LRRC3B: variants seen among roughly 807,000 people sequenced by gnomAD.
LRRC3B encodes leucine-rich repeat-containing protein 3B.
In LRRC3B, 2 loss-of-function variants were observed where a neutral mutation model predicts 12.8. The observed-to-expected ratio is 0.16, with a 90% CI of 0.06 to 0.49. The LOEUF is 0.49. LRRC3B is among the 20% of genes least tolerant of loss of function. The probability of loss-of-function intolerance (pLI) is 0.96; values close to 1 mark genes in which losing one functional copy is unlikely to be tolerated. For synonymous variants in LRRC3B, 132 were observed against 122.0 expected (o/e 1.08, Z -0.54); for missense variants, 189 against 319.4 (o/e 0.59, Z 3.11).
At chr3:26,666,242 GA>G (rs777001750) in intron 1 of LRRC3B, among the ~76,000 whole-genome samples, 15 of 152,182 alleles carry the variant, frequency 9.9e-5, no homozygotes, top group Admixed American at 3.3e-4. Context: ...TAACCGCAAG[GA>G]AAAGGTGAAG....
At chr3:26,646,197 G>C (rs2125411455) in intron 1 of LRRC3B, among the ~76,000 whole-genome samples, 1 of 152,290 alleles carries the variant, frequency 6.6e-6, no homozygotes, top group Admixed American at 6.5e-5. Context: ...TGATGAAAGT[G>C]AGTTATAATC....
intron 1 of LRRC3B, among the ~76,000 whole-genome samples, chr3:26,647,326 C>T (rs933867395): frequency 2.6e-5 from 4 of 152,138 alleles, no homozygotes; most frequent in African/African-American, 7.2e-5. Flanking sequence ...CAGCCTCTCT[C>T]TCTCAACCCA....
chr3:26,635,762 G>A (rs1021037874), intron 1 of LRRC3B, among the ~76,000 whole-genome samples: 4 of 152,158 alleles, frequency 2.6e-5, no homozygotes, highest in African/African-American at 7.2e-5. Context: ...AATGGACCTC[G>A]CTTTTGCATC....
chr3:26,688,576 A>G (rs1700131548), intron 1 of LRRC3B, among the ~76,000 whole-genome samples: 1 of 152,210 alleles, frequency 6.6e-6, no homozygotes, highest in Admixed American at 6.5e-5. Context: ...AAGGGGAATC[A>G]GGCATATCTT....
intron 1 of LRRC3B, among the ~76,000 whole-genome samples, chr3:26,659,675 G>A (rs890181137): frequency 6.6e-6 from 1 of 151,948 alleles, no homozygotes; most frequent in Non-Finnish European, 1.5e-5. Context: ...ACACACACAT[G>A]AAAAACAATA....
intron 1 of LRRC3B, among the ~76,000 whole-genome samples, chr3:26,661,042 T>A (rs1228692776): frequency 6.6e-6 from 1 of 152,174 alleles, no homozygotes; most frequent in Non-Finnish European, 1.5e-5. Flanking sequence ...TTCTTAGATA[T>A]TTGAACAATT....
At chr3:26,664,692 A>AT (rs1699563183) in intron 1 of LRRC3B, among the ~76,000 whole-genome samples, 1 of 152,052 alleles carries the variant, frequency 6.6e-6, no homozygotes. Context: ...ACAGAGAATA[A>AT]TTTTGGGTCA....
At chr3:26,706,913 C>CTCT (rs1443729766) in intron 1 of LRRC3B, among the ~76,000 whole-genome samples, 1 of 152,152 alleles carries the variant, frequency 6.6e-6, no homozygotes, top group Non-Finnish European at 1.5e-5. Flanking sequence ...CGTACCTAGA[C>CTCT]TCTTCAATAT....
chr3:26,677,304 A>G (rs1699879940), intron 1 of LRRC3B, among the ~76,000 whole-genome samples: 1 of 152,184 alleles, frequency 6.6e-6, no homozygotes, highest in Non-Finnish European at 1.5e-5. Context: ...AAACACCAGT[A>G]TTCTGGTGTA....
At chr3:26,634,471 G>C (rs905434652) in intron 1 of LRRC3B, among the ~76,000 whole-genome samples, 4 of 152,192 alleles carry the variant, frequency 2.6e-5, no homozygotes, top group Admixed American at 2.0e-4. Flanking sequence ...ATCACAAGGA[G>C]CTTGACATTC....
intron 1 of LRRC3B, among the ~76,000 whole-genome samples, chr3:26,706,242 C>A (rs1471527981): frequency 6.6e-6 from 1 of 152,098 alleles, no homozygotes; most frequent in African/African-American, 2.4e-5. Context: ...GGCCCCACCT[C>A]CAAATATCCT....
At chr3:26,638,773 C>G (rs1454146539) in intron 1 of LRRC3B, among the ~76,000 whole-genome samples, 6 of 152,194 alleles carry the variant, frequency 3.9e-5, no homozygotes, top group Non-Finnish European at 8.8e-5. Flanking sequence ...ATATTGTCAT[C>G]AGTGTTCATT....
At chr3:26,629,721 T>G (rs562261124) in intron 1 of LRRC3B, among the ~76,000 whole-genome samples, 1 of 152,334 alleles carries the variant, frequency 6.6e-6, no homozygotes, top group African/African-American at 2.4e-5. Flanking sequence ...GTGTGGTTTT[T>G]TATTGGGGTG....
chr3:26,710,206 T>A (rs761690621), exon 2 of LRRC3B: 2 of 1,613,780 alleles, frequency 1.2e-6, no homozygotes, highest in South Asian at 2.2e-5. Context: ...CCGTGTTGGA[T>A]GAACATGCTG....
intron 1 of LRRC3B, among the ~76,000 whole-genome samples, chr3:26,644,716 T>C (rs1284417919): frequency 1.3e-5 from 2 of 152,224 alleles, no homozygotes; most frequent in Admixed American, 1.3e-4. Flanking sequence ...AACCCACTGC[T>C]TATTAGAAAA....
At chr3:26,672,462 C>T (rs1257114086) in intron 1 of LRRC3B, among the ~76,000 whole-genome samples, 1 of 152,144 alleles carries the variant, frequency 6.6e-6, no homozygotes, top group Non-Finnish European at 1.5e-5. Context: ...AGTGGCCCTT[C>T]ACTTGAGGGC....
exon 2 of LRRC3B, chr3:26,709,987 G>A: frequency 1.2e-6 from 2 of 1,614,102 alleles, no homozygotes; most frequent in Non-Finnish European, 1.7e-6. Flanking sequence ...TTATCGATGA[G>A]CATGCCTTCA....
intron 1 of LRRC3B, among the ~76,000 whole-genome samples, chr3:26,676,992 G>A (rs945404526): frequency 1.3e-5 from 2 of 152,134 alleles, no homozygotes; most frequent in Non-Finnish European, 2.9e-5. Flanking sequence ...ATAAAGCAGG[G>A]TTGGGCAAGG....
At chr3:26,686,928 T>C (rs1436763548) in intron 1 of LRRC3B, among the ~76,000 whole-genome samples, 3 of 152,146 alleles carry the variant, frequency 2.0e-5, no homozygotes, top group Non-Finnish European at 2.9e-5. Context: ...TGGTCAGTCA[T>C]TGGATGTGGG....
Sources: gnomAD v4.1 joint callset for allele counts (sites outside exome capture counted in the v4.1 genomes callset) on GRCh38, gnomAD v4.1.1 for gene constraint, MANE v1.5 for transcripts, NCBI Gene and HGNC (gene_info 2026-07-23, HGNC 2026-07-21) for gene names.